ADAMTS17: variants seen among roughly 807,000 people sequenced by gnomAD.
ADAMTS17 encodes the protein A disintegrin and metalloproteinase with thrombospondin motifs 17.
In ADAMTS17, 113 loss-of-function variants were observed where a neutral mutation model predicts 141.5. That is an observed-to-expected ratio of 0.80 (90% CI 0.69 to 0.93). The LOEUF is 0.93. Among genes scored for constraint, ADAMTS17 ranks in the 40% least tolerant of loss-of-function variants. The pLI is 0.00. For missense variants in ADAMTS17, 1,659 were observed against 1,517.9 expected (o/e 1.09, Z -1.54); for synonymous variants, 768 against 630.6 (o/e 1.22, Z -3.27).
intron 8 of ADAMTS17, among the ~76,000 whole-genome samples, chr15:100,186,001 G>A (rs999749901): frequency 3.3e-5 from 5 of 152,054 alleles, no homozygotes; most frequent in African/African-American, 4.8e-5. Context: ...CCACACCTAC[G>A]GGACGGTCAG....
intron 3 of ADAMTS17, among the ~76,000 whole-genome samples, chr15:100,281,823 G>A (rs2044295238): frequency 6.6e-6 from 1 of 152,176 alleles, no homozygotes; most frequent in African/African-American, 2.4e-5. Context: ...AGAGGGGACA[G>A]GACACTCCCC....
chr15:100,275,880 G>A (rs563921898), intron 4 of ADAMTS17, among the ~76,000 whole-genome samples: 5 of 148,648 alleles, frequency 3.4e-5, no homozygotes, highest in Non-Finnish European at 7.4e-5. Context: ...CATGCTATCA[G>A]CTCTCTGAGG....
At chr15:100,131,630 A>G (rs750950430) in intron 12 of ADAMTS17, among the ~76,000 whole-genome samples, 1 of 152,164 alleles carries the variant, frequency 6.6e-6, no homozygotes, top group Non-Finnish European at 1.5e-5. Flanking sequence ...ACACTCTGTG[A>G]CTCATGAACC....
At chr15:99,983,820 T>C (rs1266053364) in intron 20 of ADAMTS17, among the ~76,000 whole-genome samples, 1 of 152,118 alleles carries the variant, frequency 6.6e-6, no homozygotes, top group Admixed American at 6.5e-5. Flanking sequence ...TGGTTTTGGA[T>C]AGCAAAGAAA....
At chr15:100,306,335 G>T in intron 3 of ADAMTS17, 1 of 376,968 alleles carries the variant, frequency 2.7e-6, no homozygotes, top group Non-Finnish European at 5.3e-6. Context: ...ATCCTCAAAG[G>T]CAGCACAGCT....
chr15:100,185,288 C>T (rs760608928), intron 8 of ADAMTS17, among the ~76,000 whole-genome samples: 3 of 152,126 alleles, frequency 2.0e-5, no homozygotes, highest in African/African-American at 7.2e-5. Flanking sequence ...GACATAAAGC[C>T]CTGAGAACAA....
chr15:100,263,910 C>T (rs1219540102), intron 4 of ADAMTS17, among the ~76,000 whole-genome samples: 1 of 152,212 alleles, frequency 6.6e-6, no homozygotes, highest in Non-Finnish European at 1.5e-5. Flanking sequence ...CCAGGGTCAA[C>T]TCAGGCCGAG....
intron 8 of ADAMTS17, among the ~76,000 whole-genome samples, chr15:100,162,818 CATT>C (rs1345599882): frequency 4.9e-5 from 7 of 143,808 alleles, no homozygotes; most frequent in African/African-American, 1.8e-4. Context: ...CACACATACA[CATT>C]ATATATATGT....
At chr15:100,063,683 A>C in intron 15 of ADAMTS17, 1 of 1,289,916 alleles carries the variant, frequency 7.8e-7, no homozygotes, top group South Asian at 1.2e-5. Flanking sequence ...TTTTACCCAG[A>C]AAGCTGTGGG....
At chr15:100,001,118 A>G (rs530523572) in intron 18 of ADAMTS17, among the ~76,000 whole-genome samples, 7 of 152,314 alleles carry the variant, frequency 4.6e-5, no homozygotes, top group African/African-American at 7.2e-5. Flanking sequence ...TTTACTGAGC[A>G]TCAGCCAGGT....
At chr15:100,053,491 G>A (rs1456426376) in intron 16 of ADAMTS17, among the ~76,000 whole-genome samples, 1 of 152,178 alleles carries the variant, frequency 6.6e-6, no homozygotes, top group South Asian at 2.1e-4. Flanking sequence ...TTTCCGAAAG[G>A]TAATGATATA....
At chr15:100,240,928 C>T (rs770511819) in intron 7 of ADAMTS17, among the ~76,000 whole-genome samples, 2 of 152,110 alleles carry the variant, frequency 1.3e-5, no homozygotes, top group African/African-American at 2.4e-5. Flanking sequence ...CGGGTTCAAG[C>T]GATTCTCCTG....
At chr15:100,058,556 G>A (rs530127944) in intron 15 of ADAMTS17, among the ~76,000 whole-genome samples, 3 of 152,370 alleles carry the variant, frequency 2.0e-5, no homozygotes, top group Admixed American at 2.0e-4. Context: ...AAAAAGGGCA[G>A]GAGGGCACAC....
intron 3 of ADAMTS17, among the ~76,000 whole-genome samples, chr15:100,286,690 A>G (rs956485855): frequency 1.3e-5 from 2 of 152,198 alleles, no homozygotes; most frequent in Non-Finnish European, 2.9e-5. Context: ...CAAAGAGTAA[A>G]GGAACATCAG....
chr15:100,161,060 A>G (rs951704262), intron 8 of ADAMTS17, among the ~76,000 whole-genome samples: 2 of 152,224 alleles, frequency 1.3e-5, no homozygotes, highest in African/African-American at 4.8e-5. Flanking sequence ...TGTGGGGCTG[A>G]GGGCACAGAT....
chr15:100,096,228 A>C, intron 15 of ADAMTS17, 128 bp downstream of exon 15: 5 of 1,481,562 alleles, frequency 3.4e-6, no homozygotes, highest in Non-Finnish European at 4.6e-6. Context: ...ATGAAACTGA[A>C]GTTCCAGGTC....
chr15:100,210,104 G>A (rs371748534), intron 7 of ADAMTS17, among the ~76,000 whole-genome samples: 3 of 151,922 alleles, frequency 2.0e-5, no homozygotes, highest in East Asian at 1.9e-4. Context: ...CATAGTGGGC[G>A]CCTGTTGTCC....
rs567882152 is a variant in ADAMTS17 at position 99,993,274 on chromosome 15, C to T, written c.2797-74G>A. ...TCCATCAACAGCTATTAACTCCCTCCAATGTGCCAGGTGCGGTGTGGGGAT... is the reference window on the plus strand; with the variant it reads ...TCCATCAACAGCTATTAACTCCCTCTAATGTGCCAGGTGCGGTGTGGGGAT... On this transcript the variant is annotated intron_variant, in intron 19 of 21. Coordinates refer to ENST00000268070, the MANE Select transcript of ADAMTS17 (RefSeq NM_139057.4). This position sits in a 1 kb window ranked among gnomAD's most constrained non-coding sequence, Gnocchi z 4.3. The T allele has an allele frequency of 2.5e-6, 4 of 1,589,002 alleles. 1 individual carries two copies. In the South Asian group the frequency reaches 4.4e-5, roughly 18 times the overall value.
chr15:100,062,426 G>A (rs58145046), intron 15 of ADAMTS17, among the ~76,000 whole-genome samples: 1,727 of 152,336 alleles, frequency 0.011, 32 homozygotes, highest in African/African-American at 0.04. Flanking sequence ...CAAGGCAGGT[G>A]TGCGAGGAGC....
Sources: gnomAD v4.1 joint callset for allele counts (sites outside exome capture counted in the v4.1 genomes callset) on GRCh38, gnomAD v4.1.1 for gene constraint, Gnocchi (gnomAD v3.1) non-coding constraint, MANE v1.5 for transcripts, NCBI Gene and HGNC (gene_info 2026-07-23, HGNC 2026-07-21) for gene names.